The following FSTL4 variants were observed in gnomAD, a reference collection of about 807,000 sequenced individuals.
The protein encoded by FSTL4 is follistatin like 4.
FSTL4 carries 28 observed loss-of-function variants against 78.2 expected under a neutral mutation model. The ratio of observed to expected loss-of-function variants is 0.36; its 90% CI spans 0.27 to 0.49. The LOEUF (loss-of-function observed/expected upper bound fraction) is 0.49. FSTL4 is among the 20% of genes least tolerant of loss of function. The pLI is 0.98. For synonymous variants in FSTL4, 422 were observed against 440.5 expected (o/e 0.96, Z 0.53); for missense variants, 922 against 1,084.9 (o/e 0.85, Z 2.11).
At chr5:133,257,606 A>G (rs900462503) in intron 6 of FSTL4, among the ~76,000 whole-genome samples, 1 of 152,174 alleles carries the variant, frequency 6.6e-6, no homozygotes, top group Non-Finnish European at 1.5e-5. Flanking sequence ...CTGTGAGATC[A>G]CCATTCTGGG....
chr5:133,342,514 C>T (rs561400781), intron 4 of FSTL4, among the ~76,000 whole-genome samples: 1 of 152,130 alleles, frequency 6.6e-6, no homozygotes, highest in Non-Finnish European at 1.5e-5. Flanking sequence ...GCTTTTACCC[C>T]AACACCTGAT....
chr5:133,318,138 T>A (rs1275358016), intron 4 of FSTL4, among the ~76,000 whole-genome samples: 1 of 152,180 alleles, frequency 6.6e-6, no homozygotes, highest in Non-Finnish European at 1.5e-5. Context: ...AAAAATCAAT[T>A]GTTGTGTTCA....
the FSTL4 span, among the ~76,000 whole-genome samples, chr5:133,733,269 T>A: frequency 1.3e-5 from 2 of 152,230 alleles, no homozygotes; most frequent in African/African-American, 2.4e-5. Flanking sequence ...TCTGACTACA[T>A]GCTTGCAATG....
At chr5:133,346,281 T>C (rs1192837548) in intron 4 of FSTL4, among the ~76,000 whole-genome samples, 3 of 151,968 alleles carry the variant, frequency 2.0e-5, no homozygotes, top group Non-Finnish European at 2.9e-5. Flanking sequence ...TTAGAACAAA[T>C]ACCTAATGCA....
chr5:133,546,364 G>A (rs1172511078), intron 3 of FSTL4, among the ~76,000 whole-genome samples: 1 of 152,056 alleles, frequency 6.6e-6, no homozygotes, highest in Non-Finnish European at 1.5e-5. Flanking sequence ...AAATTAGCCA[G>A]GCGTGGTGGC....
the FSTL4 span, among the ~76,000 whole-genome samples, chr5:133,806,711 G>T: frequency 3.9e-5 from 6 of 152,196 alleles, no homozygotes; most frequent in Non-Finnish European, 5.9e-5. Context: ...CTGCCCCTGA[G>T]AACTGCCTGA....
At chr5:133,309,249 G>A (rs912957332) in intron 6 of FSTL4, among the ~76,000 whole-genome samples, 1 of 152,140 alleles carries the variant, frequency 6.6e-6, no homozygotes, top group Admixed American at 6.5e-5. Context: ...GGGGTGGCGT[G>A]GGGAAGGAGA....
the FSTL4 span, among the ~76,000 whole-genome samples, chr5:133,699,743 C>T: frequency 3.7e-4 from 57 of 152,016 alleles, no homozygotes; most frequent in East Asian, 2.7e-3. Flanking sequence ...TAGCCAGGTG[C>T]AGTGGCGGGC....
Position 133,312,399 on chromosome 5 carries a change from T to C in FSTL4, c.727+255A>G, listed in dbSNP as rs143951398. On this transcript the variant is annotated intron_variant, in intron 6 of 15. Coordinates refer to ENST00000265342, the MANE Select transcript of FSTL4 (RefSeq NM_015082.2). ...AGTGCCCTCACAGCTATGCTTCAAT[T>C]ACAGTCCTGGGCCCCTCAAAGAGCG... 180 of 484,932 alleles carry C rather than the reference T, an allele frequency of 3.7e-4. 3 individuals carry two copies. The East Asian group carries it at 5.8e-3, about 16-fold the overall frequency. The allele number at this position is 484,932 out of a possible 1,614,324, so 30.0% of individuals were successfully genotyped here.
chr5:133,300,568 G>A (rs1753512004), intron 6 of FSTL4, among the ~76,000 whole-genome samples: 1 of 152,202 alleles, frequency 6.6e-6, no homozygotes, highest in Non-Finnish European at 1.5e-5. Flanking sequence ...AAGGCTGTCA[G>A]CCTTCACCAA....
intron 3 of FSTL4, among the ~76,000 whole-genome samples, chr5:133,519,352 C>T (rs771170269): frequency 2.0e-5 from 3 of 152,202 alleles, no homozygotes; most frequent in Non-Finnish European, 4.4e-5. Flanking sequence ...TGGCTTCCTC[C>T]CAGATGAACA....
the FSTL4 span, among the ~76,000 whole-genome samples, chr5:133,630,703 A>G: frequency 2.0e-5 from 3 of 152,200 alleles, no homozygotes; most frequent in Admixed American, 6.5e-5. Context: ...AACAAAAAGA[A>G]CAAAGCTGGA....
the FSTL4 span, among the ~76,000 whole-genome samples, chr5:133,832,668 T>C: frequency 6.6e-6 from 1 of 152,382 alleles, no homozygotes; most frequent in Non-Finnish European, 1.5e-5. Context: ...CTTTTGCAGT[T>C]AGGCAAGACC....
intron 3 of FSTL4, among the ~76,000 whole-genome samples, chr5:133,521,325 G>C (rs527327124): frequency 1.7e-4 from 26 of 152,336 alleles, no homozygotes; most frequent in Middle Eastern, 3.4e-3. Context: ...TCCCTGCTGA[G>C]CCCTGAATCC....
the FSTL4 span, among the ~76,000 whole-genome samples, chr5:133,841,589 CCACT>C: frequency 1.3e-5 from 2 of 152,186 alleles, no homozygotes; most frequent in Admixed American, 6.5e-5. Flanking sequence ...CAACCACTCC[CCACT>C]GTGAGGTAGA....
chr5:133,478,508 C>T (rs1378880115), intron 3 of FSTL4, among the ~76,000 whole-genome samples: 3 of 152,148 alleles, frequency 2.0e-5, no homozygotes, highest in Non-Finnish European at 4.4e-5. Flanking sequence ...GAATGCATTC[C>T]CCATATTACA....
chr5:133,732,208 C>A, the FSTL4 span, among the ~76,000 whole-genome samples: 2 of 152,202 alleles, frequency 1.3e-5, no homozygotes, highest in African/African-American at 4.8e-5. Context: ...GGCCCCCGAA[C>A]TTGTTTACTA....
chr5:133,484,170 G>C (rs943473747), intron 3 of FSTL4, among the ~76,000 whole-genome samples: 2 of 152,176 alleles, frequency 1.3e-5, no homozygotes, highest in Non-Finnish European at 2.9e-5. Flanking sequence ...CCTCTCCCAG[G>C]CATGGACTCC....
chr5:133,745,666 A>G, the FSTL4 span, among the ~76,000 whole-genome samples: 1 of 152,220 alleles, frequency 6.6e-6, no homozygotes, highest in South Asian at 2.1e-4. Flanking sequence ...ATTCATAAAA[A>G]CTTTGCCCAG....
Sources: gnomAD v4.1 joint callset for allele counts (sites outside exome capture counted in the v4.1 genomes callset) on GRCh38, gnomAD v4.1.1 for gene constraint, MANE v1.5 for transcripts, NCBI Gene and HGNC (gene_info 2026-07-23, HGNC 2026-07-21) for gene names.